The following VXN variants were observed in gnomAD, a reference collection of about 807,000 sequenced individuals.
VXN encodes uncharacterized protein C8orf46.
Under a neutral mutation model 23.1 loss-of-function variants are expected in VXN, and 7 were observed. That is an observed-to-expected ratio of 0.30 (90% confidence interval 0.17 to 0.57). VXN has a LOEUF of 0.57. VXN is among the 20% of genes least tolerant of loss of function. VXN has a pLI of 0.91. For missense variants in VXN, 238 were observed against 272.6 expected (o/e 0.87, Z 0.89); for synonymous variants, 120 against 105.8 (o/e 1.13, Z -0.83).
Position 66,515,809 on chromosome 8 carries a change from C to A in VXN, c.441-84C>A, listed in dbSNP as rs1807880999. The A allele has an allele frequency of 2.5e-6, 3 of 1,210,824 alleles. No individual in the cohort carries two copies. In the Admixed American group the frequency reaches 7.2e-5, roughly 29 times the overall value. The allele number at this position is 1,210,824 out of a possible 1,614,324, so 75.0% of individuals were successfully genotyped here. On this transcript the variant is annotated intron_variant, in intron 5 of 5. Coordinates refer to ENST00000305454, the MANE Select transcript of VXN (RefSeq NM_152765.4). ...CTGAGGAGGAGCAGAGGAGAGAGAG[C>A]TCTGGCCACTCTTCTTAAGGGCAAA...
intron 2 of VXN, among the ~76,000 whole-genome samples, chr8:66,500,979 T>C (rs1250662202): frequency 6.6e-6 from 1 of 151,368 alleles, no homozygotes; most frequent in Non-Finnish European, 1.5e-5. Flanking sequence ...GTTCAAGCGA[T>C]TCTCCTGCCT....
chr8:66,498,907 G>A (rs62512580), intron 2 of VXN: 6,730 of 447,968 alleles, frequency 0.015, 264 homozygotes, highest in African/African-American at 0.095. Flanking sequence ...AGCTGCAGAA[G>A]AGAGGGGTTA....
At chr8:66,511,268 C>T (rs1295168215) in intron 4 of VXN, among the ~76,000 whole-genome samples, 1 of 152,196 alleles carries the variant, frequency 6.6e-6, no homozygotes, top group Non-Finnish European at 1.5e-5. Flanking sequence ...GAGGTCAGCT[C>T]AGGCATCCTA....
At chr8:66,498,902 C>G (rs1020028865) in intron 2 of VXN, 18 of 448,856 alleles carry the variant, frequency 4.0e-5, no homozygotes, top group African/African-American at 3.4e-4. Flanking sequence ...TGAGAAGCTG[C>G]AGAAGAGAGG....
intron 1 of VXN, among the ~76,000 whole-genome samples, chr8:66,495,848 C>CAT (rs1807619711): frequency 6.6e-6 from 1 of 152,178 alleles, no homozygotes; most frequent in African/African-American, 2.4e-5. Context: ...ACCATCACCC[C>CAT]CATCCATCCT....
At chr8:66,499,320 C>A (rs972675291) in intron 2 of VXN, among the ~76,000 whole-genome samples, 4 of 147,844 alleles carry the variant, frequency 2.7e-5, no homozygotes, top group African/African-American at 1.0e-4. Context: ...ACAGTCTCAA[C>A]CCCCTGGGCT....
intron 2 of VXN, among the ~76,000 whole-genome samples, chr8:66,504,160 A>G (rs1428456361): frequency 6.6e-6 from 1 of 152,160 alleles, no homozygotes; most frequent in African/African-American, 2.4e-5. Flanking sequence ...TGCAGAGAAG[A>G]GATGGGGAGG....
In VXN at chr8:66,513,578, C is replaced by T. The variant is rs1301308748; in HGVS notation, c.381C>T (p.Ala127=). 2 of 1,614,178 alleles carry T rather than the reference C, an allele frequency of 1.2e-6. No homozygotes were observed. The highest frequency in any genetic ancestry group is 2.2e-5 in the East Asian group (1 of 44,880). The part of the protein sequence containing the change: ...PVPRISVKTS[A]SASLEATAMG... ...CCCGGATCTCAGTGAAAACTTCAGCCTCTGCCTCATTGGAGGCGACAGCCA... is the reference window on the plus strand; with the variant it reads ...CCCGGATCTCAGTGAAAACTTCAGCTTCTGCCTCATTGGAGGCGACAGCCA... Residue 127 remains alanine, a synonymous_variant, in exon 5 of 6, where the codon GCC becomes GCT. Transcript: ENST00000305454.
rs74430485 is a variant in VXN at position 66,497,533 on chromosome 8, G to A, written c.126+1041G>A. Among the ~76,000 whole-genome samples the A allele has an allele frequency of 1.4e-4, 22 of 152,278 alleles. No homozygotes were observed. In the East Asian group the frequency reaches 4.2e-3, roughly 29 times the overall value. ...TCTAAAATTAGCTTACATGTCTTTA[G>A]AGCCTAATAATGCTGTGCAATTCCC... On this transcript the variant is annotated intron_variant, in intron 2 of 5. Transcript: ENST00000305454.
chr8:66,515,806 G>A (rs1807880940), intron 5 of VXN, 87 bp from the exon 6 acceptor site: 2 of 1,171,290 alleles, frequency 1.7e-6, no homozygotes, highest in Admixed American at 2.5e-5. Flanking sequence ...AGAGGAGAGA[G>A]AGCTCTGGCC....
chr8:66,508,212 G>A (rs1807780330), intron 3 of VXN, among the ~76,000 whole-genome samples: 1 of 152,064 alleles, frequency 6.6e-6, no homozygotes, highest in African/African-American at 2.4e-5. Flanking sequence ...CCTTCGACAT[G>A]AAACACTGAC....
chr8:66,510,196 A>G (rs765740900), intron 4 of VXN, 39 bp downstream of exon 4: 2 of 1,522,260 alleles, frequency 1.3e-6, no homozygotes, highest in East Asian at 2.3e-5. Context: ...TCTGTTGTGC[A>G]TTAAACTTCT....
In VXN at chr8:66,517,170, A is replaced by G. The variant is rs1807907225; in HGVS notation, c.*1094A>G. 6.6e-6 allele frequency: 1 copy of G among 152,256 alleles called. No individual in the cohort carries two copies. The highest frequency in any genetic ancestry group is 2.4e-5 in the African/African-American group (1 of 41,466). 9.4% of individuals were successfully genotyped at this position (152,256 alleles called of 1,614,324 possible). The stretch of plus-strand genomic sequence containing the variant: ...ATGGTTCAACCTCATATATGATACT[A>G]TGCTTTTCTTCTATCAGTGAAAATG... On this transcript the variant is annotated 3_prime_UTR_variant, in exon 6 of 6. Transcript: ENST00000305454.
chr8:66,507,917 A>G (rs997203087), intron 3 of VXN, among the ~76,000 whole-genome samples: 1 of 152,162 alleles, frequency 6.6e-6, no homozygotes, highest in East Asian at 1.9e-4. Flanking sequence ...ACCTGGATGC[A>G]GTAGCCGTCT....
chr8:66,504,146 A>T (rs1416573333), intron 2 of VXN, among the ~76,000 whole-genome samples: 1 of 151,764 alleles, frequency 6.6e-6, no homozygotes, highest in African/African-American at 2.4e-5. Flanking sequence ...CTCCCTCCCC[A>T]CTGTGCAGAG....
chr8:66,500,713 A>C (rs1807681452), intron 2 of VXN, among the ~76,000 whole-genome samples: 1 of 151,962 alleles, frequency 6.6e-6, no homozygotes, highest in Admixed American at 6.6e-5. Context: ...CCCAGTGTCT[A>C]TTAGTCCCAT....
chr8:66,513,658 C>CACAGGCAGTGGGG, intron 5 of VXN, 21 bp downstream of exon 5: 1 of 1,602,198 alleles, frequency 6.2e-7, no homozygotes, highest in African/African-American at 1.3e-5. Context: ...CGTCTCTGGC[C>CACAGGCAGTGGGG]CCACTGCCTG....
At chr8:66,498,656 C>T (rs1298012280) in intron 2 of VXN, among the ~76,000 whole-genome samples, 3 of 152,112 alleles carry the variant, frequency 2.0e-5, no homozygotes, top group African/African-American at 7.2e-5. Context: ...GGCTACTAAG[C>T]GACTAACAGG....
Position 66,517,808 on chromosome 8 carries a change from T to G in VXN, c.*1732T>G, listed in dbSNP as rs1807914625. On this transcript the variant is annotated 3_prime_UTR_variant, in exon 6 of 6. Transcript: ENST00000305454. ...ATTGCCATATGTTGATACAAAGAAG[T>G]GTTTGGCCACATTACAGGTCTCAGA... 1 of 152,222 alleles carries G rather than the reference T, an allele frequency of 6.6e-6. No homozygotes were observed. Among genetic ancestry groups the G allele is most frequent in the Non-Finnish European group, 1.5e-5 (1 of 68,046 alleles). 9.4% of individuals were successfully genotyped at this position (152,222 alleles called of 1,614,324 possible).
Sources: gnomAD v4.1 joint callset for allele counts (sites outside exome capture counted in the v4.1 genomes callset) on GRCh38, gnomAD v4.1.1 for gene constraint, MANE v1.5 for transcripts, NCBI Gene and HGNC (gene_info 2026-07-23, HGNC 2026-07-21) for gene names.